The following COPS3 variants were observed in gnomAD, a reference collection of about 807,000 sequenced individuals.
The protein encoded by COPS3 is COP9 signalosome subunit 3.
COPS3 carries 10 observed loss-of-function variants against 58.2 expected under a neutral mutation model. The ratio of observed to expected loss-of-function variants is 0.17; its 90% CI spans 0.11 to 0.29. COPS3 has a LOEUF of 0.29. Among genes scored for constraint, COPS3 ranks in the 10% least tolerant of loss-of-function variants. The pLI, the probability that COPS3 is intolerant of heterozygous loss-of-function variation, is 1.00. For synonymous variants in COPS3, 187 were observed against 181.7 expected (o/e 1.03, Z -0.24); for missense variants, 333 against 510.1 (o/e 0.65, Z 3.34).
chr17:17,258,128 C>T (rs1037743930), intron 8 of COPS3, among the ~76,000 whole-genome samples: 3 of 152,162 alleles, frequency 2.0e-5, no homozygotes, highest in African/African-American at 7.2e-5. Context: ...GCCCACCATA[C>T]CTTATGGTAG....
intron 5 of COPS3, 32 bp from the exon 6 acceptor site, chr17:17,265,013 T>G: frequency 6.3e-7 from 1 of 1,576,270 alleles, no homozygotes; most frequent in Non-Finnish European, 8.6e-7. Flanking sequence ...ATCATCACTT[T>G]AATTTTACTT....
At chr17:17,261,662 C>A in intron 7 of COPS3, 1 of 433,948 alleles carries the variant, frequency 2.3e-6, no homozygotes, top group South Asian at 1.8e-5. Context: ...GAGTTCAACA[C>A]CAACCTGGCC....
intron 1 of COPS3, among the ~76,000 whole-genome samples, 173 bp from the exon 2 acceptor site, chr17:17,276,337 G>T (rs557422156): frequency 3.3e-5 from 5 of 152,256 alleles, no homozygotes; most frequent in Admixed American, 3.3e-4. Context: ...CCTGTCCGTG[G>T]TCTCAAAACG....
intron 1 of COPS3, among the ~76,000 whole-genome samples, chr17:17,280,168 T>C (rs1026445751): frequency 6.6e-6 from 1 of 152,098 alleles, no homozygotes; most frequent in African/African-American, 2.4e-5. Flanking sequence ...TCCCAGCACT[T>C]TGGGAGGCCG....
intron 1 of COPS3, among the ~76,000 whole-genome samples, chr17:17,276,630 G>A (rs111749275): frequency 0.14 from 21,701 of 150,508 alleles, 1,622 homozygotes; most frequent in South Asian, 0.22. Context: ...GTGCAGTGGC[G>A]CAATCTCGGT....
chr17:17,256,783 A>C (rs1009054546), intron 8 of COPS3, among the ~76,000 whole-genome samples: 2 of 151,916 alleles, frequency 1.3e-5, no homozygotes, highest in Non-Finnish European at 2.9e-5. Flanking sequence ...TAGAGATGAG[A>C]TCTTACTTAG....
intron 1 of COPS3, chr17:17,280,506 G>A: frequency 8.5e-7 from 1 of 1,175,034 alleles, no homozygotes; most frequent in Non-Finnish European, 1.1e-6. Context: ...GTTGCAGTGA[G>A]CCGAGATCGC....
At position 17,272,611 on chromosome 17, in the gene COPS3, T is replaced by C. The variant is rs536181877; in HGVS notation, c.186-1603A>G. Among the ~76,000 whole-genome samples, 5 of 152,148 alleles carry C rather than the reference T, an allele frequency of 3.3e-5. No homozygotes were observed. The South Asian group carries it at 1.0e-3, about 32-fold the overall frequency. ...CTGCCACAGGGCATGGCAGAATACA[T>C]TGAATGAAAATATTGGCTGGGCACA... On this transcript the variant is annotated intron_variant, in intron 2 of 11. Transcript: ENST00000268717.
chr17:17,268,077 G>A (rs1417247300), intron 4 of COPS3, 100 bp from the exon 5 acceptor site: 1 of 1,411,974 alleles, frequency 7.1e-7, no homozygotes, highest in East Asian at 2.5e-5. Flanking sequence ...TAATTGATAG[G>A]TTCCTTTAAA....
chr17:17,260,287 G>A lies in COPS3; in HGVS notation c.936+14C>T, dbSNP rs1048731204. 3.7e-6 allele frequency: 6 copies of A among 1,611,626 alleles called. No individual in the cohort carries two copies. Among genetic ancestry groups the A allele is most frequent in the African/African-American group, 1.3e-5 (1 of 74,880 alleles). On this transcript the variant is annotated intron_variant, in intron 8 of 11. Coordinates refer to ENST00000268717, the MANE Select transcript of COPS3 (RefSeq NM_003653.4). ...GGGTCAGGAGCTGCCCTGTGAAGGT[G>A]GCACTTTCCTCACCTTTGTTAGCCT...
rs2047934481 is a variant in COPS3, at chr17:17,254,960, C to T, written c.937-15G>A. Reference sequence around the variant, plus strand: ...GTTAAAAAGGTCTGAAAGTCAGAAGCAGAATTAGTCACAGGTAGGAACAAC... The same window carrying T: ...GTTAAAAAGGTCTGAAAGTCAGAAGTAGAATTAGTCACAGGTAGGAACAAC... On this transcript the variant is annotated splice_polypyrimidine_tract_variant and intron_variant, in intron 8 of 11. Coordinates refer to ENST00000268717, the MANE Select transcript of COPS3 (RefSeq NM_003653.4). 1 of 1,571,632 alleles carries T rather than the reference C, an allele frequency of 6.4e-7. No individual in the cohort carries two copies. Among genetic ancestry groups the T allele is most frequent in the African/African-American group, 1.4e-5 (1 of 73,812 alleles).
rs754717676 is a variant in COPS3 at position 17,254,907 on chromosome 17, A to G, written c.975T>C (p.Arg325=). The G allele has an allele frequency of 5.6e-6, 9 of 1,613,710 alleles. No individual in the cohort carries two copies. In the South Asian group the frequency reaches 9.9e-5, roughly 18 times the overall value. The stretch of plus-strand genomic sequence containing the variant: ...CCTCCTGAGGTCCAGACAACTGCAC[A>G]CGACTTGCCATATCTTGTAATGATA... ...LTLSLQDMAS[R]VQLSGPQEAE... Residue 325 remains arginine, a synonymous_variant, in exon 9 of 12, where the codon CGT becomes CGC. Transcript: ENST00000268717.
Position 17,261,871 on chromosome 17 carries a change from T to C in COPS3, c.762+95A>G, listed in dbSNP as rs2065083458. 6 of 1,077,068 alleles carry C rather than the reference T, an allele frequency of 5.6e-6. No individual in the cohort carries two copies. The South Asian group carries it at 8.1e-5, about 15-fold the overall frequency. The allele number at this position is 1,077,068 out of a possible 1,614,324, so 66.7% of individuals were successfully genotyped here. On this transcript the variant is annotated intron_variant, in intron 7 of 11. Transcript: ENST00000268717. ...ACCTGAAGCTGCTAGGAGAGCTAAATCAGTATAAAACGAAGTTACAGAACT... is the reference window on the plus strand; with the variant it reads ...ACCTGAAGCTGCTAGGAGAGCTAAACCAGTATAAAACGAAGTTACAGAACT...
chr17:17,270,776 T>C lies in COPS3; in HGVS notation c.330A>G (p.Ala110=). The C allele has an allele frequency of 3.1e-6, 5 of 1,597,040 alleles. No homozygotes were observed. Among genetic ancestry groups the C allele is most frequent in the Non-Finnish European group, 4.3e-6 (5 of 1,170,028 alleles). ...FAGLCHQLTN[A]LVERKQPLRG... is the part of the protein sequence containing the mutation. ...TTCTTACCTGTTTTCTTTCCACAAG[T>C]GCATTTGTTAGCTGATGGCAAAGCC... The change falls in exon 4 of 12, where the codon GCA becomes GCG. Residue 110 remains alanine, a synonymous_variant. Coordinates refer to ENST00000268717, the MANE Select transcript of COPS3 (RefSeq NM_003653.4).
chr17:17,269,624 T>A (rs917538587), intron 4 of COPS3, among the ~76,000 whole-genome samples: 8 of 152,038 alleles, frequency 5.3e-5, no homozygotes, highest in African/African-American at 1.9e-4. Flanking sequence ...ATAAATTTTT[T>A]AAAAATCCAC....
intron 4 of COPS3, 132 bp downstream of exon 4, chr17:17,270,626 G>A (rs1168511116): frequency 5.0e-6 from 4 of 793,800 alleles, no homozygotes; most frequent in Non-Finnish European, 4.0e-6. Flanking sequence ...ATGGCTGTGA[G>A]TGCTCTCAAG....
intron 1 of COPS3, among the ~76,000 whole-genome samples, chr17:17,276,949 G>C (rs956035068): frequency 6.6e-6 from 1 of 152,110 alleles, no homozygotes; most frequent in African/African-American, 2.4e-5. Context: ...ATGACTTTAA[G>C]AAGTGCAAAC....
rs554131751 is a variant in COPS3, at chr17:17,271,141, A to T, written c.186-133T>A. On this transcript the variant is annotated intron_variant, in intron 2 of 11. Transcript: ENST00000268717. Reference sequence around the variant, plus strand: ...ATGAGCAACAGTATTTTTTAGAATTAAGAACTAGGCCAGGACAGTGGCTCA... The same window carrying T: ...ATGAGCAACAGTATTTTTTAGAATTTAGAACTAGGCCAGGACAGTGGCTCA... 5.1e-5 allele frequency: 37 copies of T among 725,764 alleles called. No homozygotes were observed. The Admixed American group carries it at 8.7e-4, about 17-fold the overall frequency. The allele number at this position is 725,764 out of a possible 1,614,324, so 45.0% of individuals were successfully genotyped here.
intron 9 of COPS3, among the ~76,000 whole-genome samples, chr17:17,253,221 G>A (rs945095908): frequency 6.6e-6 from 1 of 152,050 alleles, no homozygotes; most frequent in Admixed American, 6.6e-5. Flanking sequence ...GGAAGACCTT[G>A]TCTCAATCAA....
Sources: allele counts gnomAD v4.1 joint callset (sites outside exome capture counted in the v4.1 genomes callset), GRCh38; gene constraint gnomAD v4.1.1; transcripts MANE v1.5; gene names NCBI Gene and HGNC (gene_info 2026-07-23, HGNC 2026-07-21).